The following CPVL variants were observed in gnomAD, a reference collection of about 807,000 sequenced individuals.
CPVL encodes probable serine carboxypeptidase CPVL.
CPVL carries 51 observed loss-of-function variants against 63.7 expected under a neutral mutation model. The ratio of observed to expected loss-of-function variants is 0.80; its 90% CI spans 0.64 to 1.01. The LOEUF is 1.01. Among genes scored for constraint, CPVL ranks in the 50% least tolerant of loss-of-function variants. The probability of loss-of-function intolerance (pLI) is 0.00; values close to 1 mark genes in which losing one functional copy is unlikely to be tolerated. For missense variants in CPVL, 530 were observed against 573.1 expected (o/e 0.92, Z 0.77); for synonymous variants, 195 against 206.0 (o/e 0.95, Z 0.46).
rs543104220 is a variant in CPVL at position 29,029,454 on chromosome 7, T to C, written c.1320+1123A>G. Among the ~76,000 whole-genome samples, 6 of 152,050 alleles carry C rather than the reference T, an allele frequency of 3.9e-5. No individual in the cohort carries two copies. In the East Asian group the frequency reaches 1.2e-3, roughly 29 times the overall value. ...TTAAAAATGTGGCATATACACACAA[T>C]GGAATATTACTAAGCCATAAAAAAG... On this transcript the variant is annotated intron_variant, in intron 12 of 12. Transcript: ENST00000265394.
chr7:29,071,780 G>C lies in CPVL; in HGVS notation c.857C>G (p.Ala286Gly). ...EHIRKQNWFE[A>G]FEILDKLLDG... Reference sequence around the variant, plus strand: ...AGGGCCCCCAGAACTCACTTCAAAGGCCTCAAACCAGTTCTGCTTCCTGAT... The same window carrying C: ...AGGGCCCCCAGAACTCACTTCAAAGCCCTCAAACCAGTTCTGCTTCCTGAT... Residue 286 changes from alanine (A) to glycine (G), a missense_variant, in exon 9 of 13, where the codon GCC (alanine) becomes GGC (glycine). Physicochemically the swap from Ala to Gly is moderately conservative, Grantham distance 60. Transcript: ENST00000265394. 9 of 1,468,272 alleles carry C rather than the reference G, an allele frequency of 6.1e-6. No homozygotes were observed. Among genetic ancestry groups the C allele is most frequent in the Non-Finnish European group, 8.3e-6 (9 of 1,087,544 alleles). 91.0% of individuals were successfully genotyped at this position (1,468,272 alleles called of 1,614,324 possible).
Position 29,098,633 on chromosome 7 carries a change from G to A in CPVL, c.289-2416C>T, listed in dbSNP as rs568415754. On this transcript the variant is annotated intron_variant, in intron 3 of 12. Coordinates refer to ENST00000265394, the MANE Select transcript of CPVL (RefSeq NM_031311.5). ...GCCTGAAGCTCCAGGGGTCAGCGCG[G>A]TATTATATAACAAATAAGCATGGAA... Among the ~76,000 whole-genome samples, 6 of 152,320 alleles carry A rather than the reference G, an allele frequency of 3.9e-5. No individual in the cohort carries two copies. In the East Asian group the frequency reaches 1.2e-3, roughly 29 times the overall value.
At chr7:29,066,584 G>C (rs1188195433) in intron 9 of CPVL, among the ~76,000 whole-genome samples, 4 of 152,188 alleles carry the variant, frequency 2.6e-5, no homozygotes, top group African/African-American at 9.7e-5. Flanking sequence ...ACATCTAGGG[G>C]AAGGAAGGTT....
chr7:29,160,434 T>A (rs747377915), intron 5 of CPVL, among the ~76,000 whole-genome samples: 1 of 152,228 alleles, frequency 6.6e-6, no homozygotes, highest in Non-Finnish European at 1.5e-5. Context: ...GGCAATAATG[T>A]ACCCAGGAGT....
At chr7:29,159,849 C>T (rs1794938833) in intron 5 of CPVL, among the ~76,000 whole-genome samples, 1 of 152,136 alleles carries the variant, frequency 6.6e-6, no homozygotes, top group African/African-American at 2.4e-5. Flanking sequence ...TTTGTCTCAA[C>T]TAGTGTAATG....
intron 3 of CPVL, among the ~76,000 whole-genome samples, chr7:29,103,605 A>C (rs1787431885): frequency 6.6e-6 from 1 of 152,030 alleles, no homozygotes; most frequent in Non-Finnish European, 1.5e-5. Context: ...TGGAAATTTT[A>C]GGAATCTCAA....
chr7:29,086,099 C>G (rs965875044), intron 7 of CPVL, among the ~76,000 whole-genome samples: 8 of 152,122 alleles, frequency 5.3e-5, no homozygotes, highest in Non-Finnish European at 1.2e-4. Context: ...CAAGACCAGC[C>G]TGGCCAACAT....
chr7:29,194,760 G>C (rs973648196), intron 1 of CPVL: 68 of 462,258 alleles, frequency 1.5e-4, no homozygotes, highest in African/African-American at 1.2e-3. Flanking sequence ...TAGCGGCGGC[G>C]GCAGCGCGTC....
intron 2 of CPVL, among the ~76,000 whole-genome samples, chr7:29,119,748 C>T (rs1789164771): frequency 6.6e-6 from 1 of 152,112 alleles, no homozygotes; most frequent in Admixed American, 6.6e-5. Context: ...AATGAGAAAA[C>T]TAAGGCCCAG....
At chr7:29,096,278 C>T in intron 3 of CPVL, 61 bp from the exon 4 acceptor site, 1 of 1,331,930 alleles carries the variant, frequency 7.5e-7, no homozygotes, top group East Asian at 2.3e-5. Context: ...ACAGAACACA[C>T]ACAAGCAAAC....
intron 1 of CPVL, among the ~76,000 whole-genome samples, chr7:29,135,263 A>G (rs1447240679): frequency 6.6e-6 from 1 of 152,216 alleles, no homozygotes; most frequent in Non-Finnish European, 1.5e-5. Flanking sequence ...TGACTATTAG[A>G]AACTTTCCAG....
At chr7:29,092,572 T>G in intron 6 of CPVL, 51 bp downstream of exon 6, 1 of 1,269,498 alleles carries the variant, frequency 7.9e-7, no homozygotes. Context: ...CCTATTGAGA[T>G]AGAAAAATGT....
chr7:29,082,561 T>A (rs755127672), intron 7 of CPVL: 5 of 151,878 alleles, frequency 3.3e-5, no homozygotes, highest in African/African-American at 1.2e-4. Flanking sequence ...TAGTGTTTTT[T>A]CTTCTGAAAA....
intron 12 of CPVL, among the ~76,000 whole-genome samples, chr7:29,030,281 A>G (rs894044055): frequency 2.6e-5 from 4 of 152,188 alleles, no homozygotes; most frequent in South Asian, 4.1e-4. Context: ...TCTCTCCCCA[A>G]ATAGACTGCA....
rs1198048256 is a variant in CPVL, at chr7:29,146,429, G to C, written c.-11C>G. Reference sequence around the variant, plus strand: ...CCCACGCAGGGCAGGCGGCACTTACGCGGCGCAGTCGGTGCTCCTCCCTGA... The same window carrying C: ...CCCACGCAGGGCAGGCGGCACTTACCCGGCGCAGTCGGTGCTCCTCCCTGA... On this transcript the variant is annotated splice_region_variant and 5_prime_UTR_variant, in exon 1 of 13. Transcript: ENST00000265394. The C allele has an allele frequency of 8.6e-7, 1 of 1,169,308 alleles. No individual in the cohort carries two copies. The highest frequency in any genetic ancestry group is 1.6e-5 in the African/African-American group (1 of 64,298). 72.4% of individuals were successfully genotyped at this position (1,169,308 alleles called of 1,614,324 possible). A position where few individuals can be genotyped will look rare whatever the true frequency, so the allele number is the denominator to read the frequency against.
intron 6 of CPVL, among the ~76,000 whole-genome samples, chr7:29,092,014 G>C (rs989123586): frequency 5.3e-5 from 8 of 152,004 alleles, no homozygotes; most frequent in African/African-American, 4.8e-5. Context: ...AAAGAATCTA[G>C]GACTTGGTCT....
intron 12 of CPVL, among the ~76,000 whole-genome samples, chr7:29,023,211 A>T (rs545192216): frequency 6.6e-6 from 1 of 152,328 alleles, no homozygotes; most frequent in East Asian, 1.9e-4. Flanking sequence ...TAATAAAGAC[A>T]TACCTGAGAC....
At chr7:29,157,456 C>CTG (rs10622767) in intron 5 of CPVL, among the ~76,000 whole-genome samples, 131,737 of 152,076 alleles carry the variant, frequency 0.87, 57,241 homozygotes, top group East Asian at 1. Context: ...AAGCTGGAAA[C>CTG]TTTAAAGTTA....
At chr7:29,150,899 C>G (rs1024647220), upstream of CPVL, among the ~76,000 whole-genome samples, 2 of 152,104 alleles carry the variant, frequency 1.3e-5, no homozygotes, top group East Asian at 3.9e-4. Flanking sequence ...TCTTAAGGAA[C>G]GAAGCCAGAT....
Sources: allele counts gnomAD v4.1 joint callset (sites outside exome capture counted in the v4.1 genomes callset), GRCh38; gene constraint gnomAD v4.1.1; transcripts MANE v1.5; gene names NCBI Gene and HGNC (gene_info 2026-07-23, HGNC 2026-07-21).